The following PCDHA2 variants were observed in gnomAD, a reference collection of about 807,000 sequenced individuals.
PCDHA2 encodes protocadherin alpha 2.
PCDHA2 carries 58 observed loss-of-function variants against 66.0 expected under a neutral mutation model. The observed-to-expected ratio is 0.88, with a 90% CI of 0.71 to 1.09. The LOEUF is 1.09. Ranked by LOEUF, PCDHA2 falls within the 50% of genes least tolerant of loss-of-function variation. The pLI, the probability that PCDHA2 is intolerant of heterozygous loss-of-function variation, is 0.00. For missense variants in PCDHA2, 1,267 were observed against 1,242.3 expected (o/e 1.02, Z -0.30); for synonymous variants, 634 against 554.0 (o/e 1.14, Z -2.03).
At position 140,884,470 on chromosome 5, in the gene PCDHA2, G is replaced by A. The variant is rs1453696477; in HGVS notation, c.2388+87118G>A. The A allele has an allele frequency of 2.5e-6, 4 of 1,613,644 alleles. No homozygotes were observed. Among genetic ancestry groups the A allele is most frequent in the South Asian group, 2.2e-5 (2 of 91,036 alleles). On this transcript the variant is annotated intron_variant, in intron 1 of 3. Coordinates refer to ENST00000526136, the MANE Select transcript of PCDHA2 (RefSeq NM_018905.3). The stretch of plus-strand genomic sequence containing the variant: ...CGCCCACCGAGGGCGCGTGCGCGCC[G>A]GGCAAGCCCACTCTAGTGTGCTCCA...
chr5:140,881,909 G>T (rs941994896), intron 1 of PCDHA2: 6 of 230,500 alleles, frequency 2.6e-5, no homozygotes, highest in Non-Finnish European at 5.1e-5. Context: ...AATATAAAAT[G>T]TTGAGCAGAA....
At chr5:140,840,420 G>T (rs1446278635) in intron 1 of PCDHA2, among the ~76,000 whole-genome samples, 1 of 151,882 alleles carries the variant, frequency 6.6e-6, no homozygotes, top group Non-Finnish European at 1.5e-5. Context: ...CAAATAATAG[G>T]CTAGTTTAAA....
intron 1 of PCDHA2, chr5:140,876,023 C>CA: frequency 1.9e-6 from 3 of 1,612,330 alleles, no homozygotes; most frequent in Non-Finnish European, 2.5e-6. Context: ...AAAATAAAAA[C>CA]AAAAAAAGAT....
At chr5:140,805,015 G>A in intron 1 of PCDHA2, 1 of 1,560,672 alleles carries the variant, frequency 6.4e-7, no homozygotes, top group Non-Finnish European at 8.6e-7. Context: ...TCTGTTATCA[G>A]CTTCTTGAAT....
At chr5:140,815,627 A>G (rs1281613717) in intron 1 of PCDHA2, 1 of 152,138 alleles carries the variant, frequency 6.6e-6, no homozygotes, top group East Asian at 1.9e-4. Context: ...CCATTACAGT[A>G]TTATAGTATT....
chr5:140,843,248 C>G, intron 1 of PCDHA2: 1 of 1,596,046 alleles, frequency 6.3e-7, no homozygotes, highest in Non-Finnish European at 8.6e-7. Context: ...AGCGGACTCT[C>G]CGCGCCACCG....
rs567779090 is a variant in PCDHA2 at position 140,808,865 on chromosome 5, G to C, written c.2388+11513G>C. 4.3e-6 allele frequency: 7 copies of C among 1,613,122 alleles called. No individual in the cohort carries two copies. The East Asian group carries it at 1.3e-4, about 31-fold the overall frequency. ...GCAGGTGTTCGTGCTGGACGAAAACGACAACGCGCCAGCACTGCTAGCGCC... is the reference window on the plus strand; with the variant it reads ...GCAGGTGTTCGTGCTGGACGAAAACCACAACGCGCCAGCACTGCTAGCGCC... On this transcript the variant is annotated intron_variant, in intron 1 of 3. Coordinates refer to ENST00000526136, the MANE Select transcript of PCDHA2 (RefSeq NM_018905.3).
intron 1 of PCDHA2, chr5:140,968,458 T>C: frequency 6.2e-7 from 1 of 1,614,148 alleles, no homozygotes; most frequent in East Asian, 2.2e-5. Flanking sequence ...GCACTGTGAC[T>C]GCCAACGTAT....
chr5:140,815,446 C>T (rs1765729600), intron 1 of PCDHA2: 1 of 152,060 alleles, frequency 6.6e-6, no homozygotes, highest in Non-Finnish European at 1.5e-5. Context: ...TTACTACAAT[C>T]ACAAAACAAA....
At chr5:140,941,618 C>A (rs532721732) in intron 1 of PCDHA2, among the ~76,000 whole-genome samples, 1 of 151,904 alleles carries the variant, frequency 6.6e-6, no homozygotes, top group African/African-American at 2.4e-5. Context: ...CCCAGCCCAT[C>A]CTGCTTCTTA....
chr5:140,979,383 T>C (rs2096847136), intron 2 of PCDHA2, among the ~76,000 whole-genome samples: 1 of 152,220 alleles, frequency 6.6e-6, no homozygotes, highest in Admixed American at 6.5e-5. Context: ...CATTGTGCAA[T>C]GTATACATAC....
chr5:140,882,406 C>T, intron 1 of PCDHA2: 3 of 1,614,138 alleles, frequency 1.9e-6, no homozygotes, highest in Non-Finnish European at 2.5e-6. Context: ...CCTTCGTGGG[C>T]CGCATCGCTC....
chr5:140,878,600 A>G (rs2153362487), intron 1 of PCDHA2, among the ~76,000 whole-genome samples: 1 of 152,320 alleles, frequency 6.6e-6, no homozygotes, highest in East Asian at 1.9e-4. Context: ...TACCAAGTGA[A>G]TCTTCTAATG....
At chr5:140,807,706 C>G in intron 1 of PCDHA2, 1 of 1,614,170 alleles carries the variant, frequency 6.2e-7, no homozygotes, top group Middle Eastern at 1.6e-4. Flanking sequence ...ACAGACTGAG[C>G]CCAAATGAAT....
At chr5:140,930,527 A>C (rs73793525) in intron 1 of PCDHA2, 8,511 of 152,566 alleles carry the variant, frequency 0.056, 704 homozygotes, top group African/African-American at 0.18. Context: ...CTGGCCCTCA[A>C]ACTTCTTGAG....
chr5:140,870,493 A>T (rs782514435), intron 1 of PCDHA2: 2 of 1,614,214 alleles, frequency 1.2e-6, no homozygotes, highest in South Asian at 2.2e-5. Context: ...CGTGTTCGTG[A>T]AGGAGAACAA....
At chr5:140,926,330 G>T (rs1269020840) in intron 1 of PCDHA2, 1 of 152,266 alleles carries the variant, frequency 6.6e-6, no homozygotes, top group East Asian at 1.9e-4. Flanking sequence ...CGGGGTCAGA[G>T]CGCCGGGACC....
rs2150485669 is a variant in PCDHA2, at chr5:140,850,474, C to T, written c.2388+53122C>T. On this transcript the variant is annotated intron_variant, in intron 1 of 3. Coordinates refer to ENST00000526136, the MANE Select transcript of PCDHA2 (RefSeq NM_018905.3). ...AAAGACCACGGGGAGCCAGCGCTGA[C>T]GGCCACGGCCACTGTGCTGGTGTCG... 7.5e-6 allele frequency: 12 copies of T among 1,597,644 alleles called. 2 individuals are homozygous for T. In the South Asian group the frequency reaches 1.1e-4, roughly 15 times the overall value.
intron 1 of PCDHA2, chr5:140,834,417 C>G (rs1772976539): frequency 6.2e-7 from 1 of 1,611,544 alleles, no homozygotes; most frequent in Non-Finnish European, 8.5e-7. Context: ...CCCAGGGGGC[C>G]GACATCTACT....
Sources: gnomAD v4.1 joint callset for allele counts (sites outside exome capture counted in the v4.1 genomes callset) on GRCh38, gnomAD v4.1.1 for gene constraint, MANE v1.5 for transcripts, NCBI Gene and HGNC (gene_info 2026-07-23, HGNC 2026-07-21) for gene names.